CLIP2: variants seen among roughly 807,000 people sequenced by gnomAD.
The protein encoded by CLIP2 is CAP-Gly domain containing linker protein 2, also known as CAP-Gly domain-containing linker protein 2.
CLIP2 carries 41 observed loss-of-function variants against 111.7 expected under a neutral mutation model. The observed-to-expected ratio is 0.37, with a 90% confidence interval of 0.29 to 0.48. The LOEUF is 0.48. Among genes scored for constraint, CLIP2 ranks in the 20% least tolerant of loss-of-function variants. The pLI is 0.99. For synonymous variants in CLIP2, 660 were observed against 644.2 expected, an observed-to-expected ratio of 1.02 and a Z score of -0.37; for missense variants, 1,160 against 1,422.1, an observed-to-expected ratio of 0.82 and a Z score of 2.96.
In CLIP2 at chr7:74,357,308, G is replaced by A. The variant is rs1562707452; in HGVS notation, c.1046G>A (p.Arg349His). ...ACGGAGACCTCTTCACGCTACGCCC[G>A]CAAGATCTCGGGCACCACGGCCTTG... ...LLTETSSRYA[R>H]KISGTTALQE... The change falls in exon 6 of 17, where the codon CGC becomes CAC. Residue 349 changes from arginine to histidine, a missense_variant. By Grantham distance (29) the Arg-to-His change is conservative. This residue lies in a region of CLIP2 where 110 missense variants were observed against 185.2 expected (regional missense o/e 0.59). Coordinates refer to ENST00000223398, the MANE Select transcript of CLIP2 (RefSeq NM_003388.5). The A allele has an allele frequency of 1.2e-6, 2 of 1,614,026 alleles. No individual in the cohort carries two copies. The highest frequency in any genetic ancestry group is 1.7e-6 in the Non-Finnish European group (2 of 1,179,950).
At chr7:74,361,645 G>GA (rs1554309817) in intron 7 of CLIP2, among the ~76,000 whole-genome samples, 1 of 152,106 alleles carries the variant, frequency 6.6e-6, no homozygotes, top group Non-Finnish European at 1.5e-5. Flanking sequence ...AGCCTTCCAG[G>GA]TAACTGGGAC....
chr7:74,386,953 G>C (rs1791123772), intron 12 of CLIP2, among the ~76,000 whole-genome samples: 2 of 150,358 alleles, frequency 1.3e-5, no homozygotes. Context: ...AACCTGGAAG[G>C]CAGAGCTGCC....
In CLIP2 at chr7:74,379,387, C is replaced by T. The variant is rs565558693; in HGVS notation, c.2422-1419C>T. Among the ~76,000 whole-genome samples, 47 of 151,394 alleles carry T rather than the reference C, an allele frequency of 3.1e-4. 2 individuals carry two copies. The South Asian group carries it at 8.6e-3, about 28-fold the overall frequency. On this transcript the variant is annotated intron_variant, in intron 10 of 16. Transcript: ENST00000223398. ...TGTATACACTGGGGCTTAGTCTAAA[C>T]GCATATGTCCCCATGTTCAGAGGTT...
intron 3 of CLIP2, among the ~76,000 whole-genome samples, chr7:74,351,791 G>A (rs1331353700): frequency 2.0e-5 from 3 of 152,148 alleles, no homozygotes; most frequent in Non-Finnish European, 4.4e-5. Context: ...AGCGGAGATC[G>A]CGTCATTGCA....
intron 11 of CLIP2, among the ~76,000 whole-genome samples, chr7:74,384,706 G>A (rs1471693144): frequency 1.3e-5 from 2 of 151,834 alleles, no homozygotes; most frequent in African/African-American, 2.4e-5. Context: ...TCGGCCTCCT[G>A]AAGTGCTGGG....
chr7:74,402,533 A>T (rs1325387464), intron 16 of CLIP2, among the ~76,000 whole-genome samples: 2 of 151,972 alleles, frequency 1.3e-5, no homozygotes, highest in Non-Finnish European at 2.9e-5. Context: ...AGTAATAAAA[A>T]TTTTAAAAAT....
intron 16 of CLIP2, among the ~76,000 whole-genome samples, chr7:74,402,055 G>A (rs1791637323): frequency 6.6e-6 from 1 of 152,070 alleles, no homozygotes; most frequent in African/African-American, 2.4e-5. Flanking sequence ...TTGAGGTCAG[G>A]AATTTGAGAC....
chr7:74,376,698 A>G lies in CLIP2; in HGVS notation c.2297A>G (p.Tyr766Cys), dbSNP rs1790802173. The G allele has an allele frequency of 1.9e-6, 3 of 1,613,120 alleles. No homozygotes were observed. Among genetic ancestry groups the G allele is most frequent in the Non-Finnish European group, 2.5e-6 (3 of 1,179,820 alleles). Residue 766 changes from tyrosine to cysteine, a missense_variant, in exon 10 of 17, where the codon TAC (tyrosine) becomes TGC (cysteine). Transcript: ENST00000223398. This position sits in a 1 kb window ranked among gnomAD's most constrained non-coding sequence, Gnocchi z 7.1. The stretch of plus-strand genomic sequence containing the variant: ...CTGGCCGAGAAGAAGATGTTGGACT[A>G]CGAGCGGCTGCAGCGGGCAGAAGCC... ...ISLAEKKMLD[Y>C]ERLQRAEAQG...
At chr7:74,367,955 G>T (rs1790506512) in intron 8 of CLIP2, among the ~76,000 whole-genome samples, 2 of 152,176 alleles carry the variant, frequency 1.3e-5, no homozygotes, top group African/African-American at 4.8e-5. Context: ...GCACATGCTT[G>T]TAATCCAAGC....
intron 2 of CLIP2, among the ~76,000 whole-genome samples, chr7:74,322,304 C>CT (rs527495525): frequency 1.1e-4 from 16 of 143,494 alleles, no homozygotes; most frequent in African/African-American, 2.8e-4. Context: ...ATTTTTTAAT[C>CT]TTTTTTTTTT....
At chr7:74,347,104 G>C (rs1789817991) in intron 3 of CLIP2, among the ~76,000 whole-genome samples, 1 of 151,992 alleles carries the variant, frequency 6.6e-6, no homozygotes, top group Non-Finnish European at 1.5e-5. Flanking sequence ...TTCCTGCCTT[G>C]CCTGATGACT....
At chr7:74,291,897 G>A (rs1330439500) in intron 1 of CLIP2, among the ~76,000 whole-genome samples, 1 of 149,146 alleles carries the variant, frequency 6.7e-6, no homozygotes, top group East Asian at 2.0e-4. Flanking sequence ...TCCTGGCCCT[G>A]CCACCCTGAC....
At chr7:74,299,205 A>T (rs1554726426) in intron 1 of CLIP2, among the ~76,000 whole-genome samples, 1 of 151,894 alleles carries the variant, frequency 6.6e-6, no homozygotes, top group Non-Finnish European at 1.5e-5. Flanking sequence ...AGTGTCTATA[A>T]TCCCAGCTAC....
At chr7:74,361,915 A>G (rs1554309855) in intron 7 of CLIP2, among the ~76,000 whole-genome samples, 2 of 152,062 alleles carry the variant, frequency 1.3e-5, no homozygotes, top group Non-Finnish European at 2.9e-5. Context: ...AGCCTGGCCA[A>G]CGTGGTGAAA....
At chr7:74,327,478 A>G (rs1208303641) in intron 2 of CLIP2, among the ~76,000 whole-genome samples, 1 of 152,186 alleles carries the variant, frequency 6.6e-6, no homozygotes, top group Non-Finnish European at 1.5e-5. Context: ...ACCAACCTGA[A>G]GTGCCCGAGG....
intron 2 of CLIP2, among the ~76,000 whole-genome samples, chr7:74,321,928 A>G (rs1788966071): frequency 6.6e-6 from 1 of 151,320 alleles, no homozygotes; most frequent in Non-Finnish European, 1.5e-5. Context: ...TAAGTGCCCC[A>G]GACAGGTGTA....
rs1584374892 is a variant in CLIP2 at position 74,376,447 on chromosome 7, G to A, written c.2046G>A (p.Lys682=). 1.3e-5 allele frequency: 21 copies of A among 1,614,010 alleles called. No homozygotes were observed. The East Asian group carries it at 4.7e-4, about 36-fold the overall frequency. Reference sequence around the variant, plus strand: ...AGACCGCCATGCACGTGAAGGAGAAGGAGGCCCTGCGAGAGAAGCTGCAGG... The same window carrying A: ...AGACCGCCATGCACGTGAAGGAGAAAGAGGCCCTGCGAGAGAAGCTGCAGG... ...DLETAMHVKE[K]EALREKLQEA... Residue 682 remains lysine (K), a synonymous_variant, in exon 10 of 17, where the codon AAG becomes AAA. Transcript: ENST00000223398. This position sits in a 1 kb window ranked among gnomAD's most constrained non-coding sequence, Gnocchi z 7.1.
At chr7:74,303,373 G>C (rs1231910668) in intron 1 of CLIP2, among the ~76,000 whole-genome samples, 1 of 152,202 alleles carries the variant, frequency 6.6e-6, no homozygotes, top group Non-Finnish European at 1.5e-5. Flanking sequence ...GATTCTGCAT[G>C]GTGCAGGATT....
At chr7:74,329,430 C>A (rs1280871270) in intron 2 of CLIP2, among the ~76,000 whole-genome samples, 1 of 152,070 alleles carries the variant, frequency 6.6e-6, no homozygotes, top group Non-Finnish European at 1.5e-5. Flanking sequence ...TATTTATAGC[C>A]CCTCCTTTGT....
Sources: allele counts gnomAD v4.1 joint callset (sites outside exome capture counted in the v4.1 genomes callset), GRCh38; gene constraint gnomAD v4.1.1; regional missense constraint gnomAD v4.1.1; non-coding constraint Gnocchi (gnomAD v3.1); transcripts MANE v1.5; gene names NCBI Gene and HGNC (gene_info 2026-07-23, HGNC 2026-07-21).